Variants in FBN2 observed in about 807,000 individuals in gnomAD.
The protein encoded by FBN2 is fibrillin-2.
Under a neutral mutation model 355.6 loss-of-function variants are expected in FBN2, and 105 were observed. The observed-to-expected ratio is 0.30, with a 90% CI of 0.25 to 0.35. FBN2 has a LOEUF of 0.35. Ranked by LOEUF, FBN2 falls within the 10% of genes least tolerant of loss-of-function variation. The probability of loss-of-function intolerance (pLI) is 1.00; values close to 1 mark genes in which losing one functional copy is unlikely to be tolerated. For missense variants in FBN2, 3,280 were observed against 3,758.7 expected (o/e 0.87, Z 3.33); for synonymous variants, 1,350 against 1,301.2 (o/e 1.04, Z -0.81).
chr5:128,531,234 A>G (rs1756695998), intron 2 of FBN2, among the ~76,000 whole-genome samples: 1 of 152,128 alleles, frequency 6.6e-6, no homozygotes, highest in Non-Finnish European at 1.5e-5. Context: ...CGGCCATAAA[A>G]ATGAATGAAT....
At chr5:128,452,329 C>T (rs1290659358) in intron 6 of FBN2, among the ~76,000 whole-genome samples, 1 of 152,134 alleles carries the variant, frequency 6.6e-6, no homozygotes, top group African/African-American at 2.4e-5. Context: ...TCACATGTAA[C>T]AATTTTATAG....
At chr5:128,335,392 G>T in intron 29 of FBN2, 63 bp downstream of exon 29, 2 of 1,612,192 alleles carry the variant, frequency 1.2e-6, no homozygotes, top group Non-Finnish European at 1.7e-6. Flanking sequence ...GTAATATCTG[G>T]AGCCATATTT....
At chr5:128,286,438 G>C (rs1277715787) in intron 55 of FBN2, among the ~76,000 whole-genome samples, 1 of 151,912 alleles carries the variant, frequency 6.6e-6, no homozygotes, top group Admixed American at 6.6e-5. Context: ...ATATTTACTT[G>C]GTTACATATG....
chr5:128,356,005 G>A (rs533933831), intron 20 of FBN2, among the ~76,000 whole-genome samples: 17 of 152,286 alleles, frequency 1.1e-4, no homozygotes, highest in Admixed American at 9.8e-4. Flanking sequence ...TGCAGATTTA[G>A]TTTTCTGAGA....
intron 20 of FBN2, among the ~76,000 whole-genome samples, chr5:128,352,400 T>C (rs1391114647): frequency 1.3e-5 from 2 of 152,192 alleles, no homozygotes; most frequent in Non-Finnish European, 2.9e-5. Context: ...AATGGTAGAG[T>C]ACCCAGTGAA....
chr5:128,377,604 C>T lies in FBN2; in HGVS notation c.1849+148G>A, dbSNP rs994813098. The T allele has an allele frequency of 6.9e-6, 6 of 865,162 alleles. No homozygotes were observed. The African/African-American group carries it at 1.0e-4, about 15-fold the overall frequency. 53.6% of individuals were successfully genotyped at this position (865,162 alleles called of 1,614,324 possible). A position where few individuals can be genotyped will look rare whatever the true frequency, so the allele number is the denominator to read the frequency against. The stretch of plus-strand genomic sequence containing the variant: ...AAACCTGTCCTTTTGCTTTAACAGT[C>T]TTATATTAAATGCATTTGCATTTTA... On this transcript the variant is annotated intron_variant, in intron 13 of 64. Transcript: ENST00000262464.
intron 19 of FBN2, among the ~76,000 whole-genome samples, chr5:128,358,667 A>C (rs1056366397): frequency 3.3e-5 from 5 of 152,080 alleles, no homozygotes; most frequent in African/African-American, 1.2e-4. Flanking sequence ...CAGATTTCTA[A>C]TGAAAACATC....
At chr5:128,267,851 C>A (rs138998962) in intron 62 of FBN2, among the ~76,000 whole-genome samples, 2 of 152,122 alleles carry the variant, frequency 1.3e-5, no homozygotes, top group African/African-American at 4.8e-5. Context: ...AAACAGACAA[C>A]GTACCAGAAT....
chr5:128,507,168 T>C (rs571235764), intron 5 of FBN2, among the ~76,000 whole-genome samples: 25 of 152,232 alleles, frequency 1.6e-4, no homozygotes, highest in African/African-American at 5.8e-4. Flanking sequence ...TCTTAAATGT[T>C]TGGTAGAATT....
intron 7 of FBN2, among the ~76,000 whole-genome samples, chr5:128,418,763 G>A (rs1753268537): frequency 6.6e-6 from 1 of 152,118 alleles, no homozygotes; most frequent in Non-Finnish European, 1.5e-5. Flanking sequence ...AATTTGTTGA[G>A]ACTTGTTCTG....
chr5:128,305,151 GTGTT>G (rs1267868219), intron 44 of FBN2, 69 bp from the exon 45 acceptor site: 33 of 1,332,694 alleles, frequency 2.5e-5, no homozygotes, highest in Non-Finnish European at 3.4e-5. Flanking sequence ...TTTCACAGTT[GTGTT>G]TCTCTAATCT....
intron 15 of FBN2, among the ~76,000 whole-genome samples, chr5:128,373,769 G>A (rs1236565268): frequency 6.6e-6 from 1 of 152,150 alleles, no homozygotes; most frequent in East Asian, 1.9e-4. Flanking sequence ...TGTTTTGCCT[G>A]CCTCTTCAAA....
chr5:128,309,231 C>G lies in FBN2; in HGVS notation c.5353+16G>C. Reference sequence around the variant, plus strand: ...ACTGATGTGGCAGTCAGCAGATGCACGAGCCGTGTGCTTACCTGTTCCTGG... The same window carrying G: ...ACTGATGTGGCAGTCAGCAGATGCAGGAGCCGTGTGCTTACCTGTTCCTGG... On this transcript the variant is annotated intron_variant, in intron 41 of 64. Transcript: ENST00000262464. The G allele has an allele frequency of 2.5e-6, 4 of 1,613,726 alleles. No homozygotes were observed. The Admixed American group carries it at 6.7e-5, about 27-fold the overall frequency.
chr5:128,280,851 G>C (rs943073108), intron 55 of FBN2, among the ~76,000 whole-genome samples: 1 of 152,066 alleles, frequency 6.6e-6, no homozygotes, highest in Non-Finnish European at 1.5e-5. Flanking sequence ...TGCTCTTTTG[G>C]TTGGTGATAA....
At chr5:128,413,051 T>C (rs1753111519) in intron 7 of FBN2, among the ~76,000 whole-genome samples, 1 of 152,242 alleles carries the variant, frequency 6.6e-6, no homozygotes, top group Non-Finnish European at 1.5e-5. Context: ...TGGAAGAACA[T>C]GTTTTACAGT....
intron 4 of FBN2, among the ~76,000 whole-genome samples, chr5:128,526,278 G>A (rs527372263): frequency 6.6e-6 from 1 of 152,102 alleles, no homozygotes; most frequent in East Asian, 1.9e-4. Flanking sequence ...ATATAGAGTG[G>A]AGCCCTTGTG....
At chr5:128,368,050 A>G (rs1288454313) in intron 16 of FBN2, among the ~76,000 whole-genome samples, 1 of 151,982 alleles carries the variant, frequency 6.6e-6, no homozygotes, top group Non-Finnish European at 1.5e-5. Flanking sequence ...ACCAAACTAA[A>G]CGTGCCCCTT....
chr5:128,331,511 G>T (rs2126890216), intron 32 of FBN2, among the ~76,000 whole-genome samples: 1 of 152,252 alleles, frequency 6.6e-6, no homozygotes, highest in Middle Eastern at 3.4e-3. Context: ...GCCAAGGGAG[G>T]GAAGCTGAAT....
rs1262933234 is a variant in FBN2 at position 128,261,798 on chromosome 5, T to G, written c.8302A>C (p.Asn2768His). 5 of 1,614,122 alleles carry G rather than the reference T, an allele frequency of 3.1e-6. No homozygotes were observed. In the Admixed American group the frequency reaches 8.3e-5, roughly 27 times the overall value. The change falls in exon 64 of 65, where the codon AAC (asparagine) becomes CAC (histidine). Residue 2768 changes from asparagine (N) to histidine (H), a missense_variant. By Grantham distance (68) the Asn-to-His change is moderately conservative. This residue lies in a region of FBN2 where 311 missense variants were observed against 319.1 expected (regional missense o/e 0.97). Transcript: ENST00000262464. ...SPEACYECKI[N>H]GYSKKDSRQK... ...CTGCTGTCTTTCTTAGAATAGCCGT[T>G]GATTTTGCACTCGTAGCATGCTTCT...
Sources: allele counts gnomAD v4.1 joint callset (sites outside exome capture counted in the v4.1 genomes callset), GRCh38; gene constraint gnomAD v4.1.1; regional missense constraint gnomAD v4.1.1; transcripts MANE v1.5; gene names NCBI Gene and HGNC (gene_info 2026-07-23, HGNC 2026-07-21).